Variants in ROBO1 observed in about 807,000 individuals in gnomAD.
ROBO1 encodes roundabout guidance receptor 1.
ROBO1 carries 149 observed loss-of-function variants against 195.9 expected under a neutral mutation model. The observed-to-expected ratio is 0.76, with a 90% confidence interval of 0.67 to 0.87. ROBO1 has a LOEUF of 0.87. Among genes scored for constraint, ROBO1 ranks in the 40% least tolerant of loss-of-function variants. ROBO1 has a pLI of 0.00. For missense variants in ROBO1, 1,933 were observed against 2,068.3 expected (o/e 0.93, Z 1.27); for synonymous variants, 816 against 733.2 (o/e 1.11, Z -1.82).
chr3:78,849,043 G>C (rs1378009113), intron 4 of ROBO1, among the ~76,000 whole-genome samples: 1 of 152,140 alleles, frequency 6.6e-6, no homozygotes, highest in Non-Finnish European at 1.5e-5. Flanking sequence ...AAAGGAAAGA[G>C]AAGAGTCAAG....
chr3:78,639,897 G>C lies in ROBO1; in HGVS notation c.2884C>G (p.Pro962Ala). 1 of 1,546,152 alleles carries C rather than the reference G, an allele frequency of 6.5e-7. No individual in the cohort carries two copies. Among genetic ancestry groups the C allele is most frequent in the Non-Finnish European group, 8.7e-7 (1 of 1,146,204 alleles). ...GGTTCACTGATGTTGAGAAGTCCAG[G>C]CCTAAATAAAAAAAAAATATTAAAG... Reference protein sequence around the residue: ...GGEAVSSGGRPGLLNISEPAA... With the variant: ...GGEAVSSGGRAGLLNISEPAA... The change falls in exon 22 of 31, where the codon CCT becomes GCT. Residue 962 changes from proline (P) to alanine (A), a missense_variant and splice_region_variant. Pro to Ala is a conservative substitution (Grantham distance 27). Around this residue, in one of 3 missense-constraint regions of ROBO1, gnomAD observed 1,737 missense variants for 1,882.5 expected, o/e 0.92. Coordinates refer to ENST00000464233, the MANE Select transcript of ROBO1 (RefSeq NM_002941.4).
intron 8 of ROBO1, among the ~76,000 whole-genome samples, chr3:78,707,418 G>A (rs1025329619): frequency 1.3e-5 from 2 of 152,150 alleles, no homozygotes; most frequent in South Asian, 2.1e-4. Flanking sequence ...TTAATACTTA[G>A]GGGAAGCATC....
intron 2 of ROBO1, among the ~76,000 whole-genome samples, chr3:79,336,763 C>G (rs1277807708): frequency 6.6e-6 from 1 of 152,162 alleles, no homozygotes; most frequent in African/African-American, 2.4e-5. Context: ...CACTATGCAC[C>G]TGTAAAAGCA....
intron 1 of ROBO1, among the ~76,000 whole-genome samples, chr3:79,638,403 T>C (rs1323644698): frequency 1.3e-5 from 2 of 152,152 alleles, no homozygotes; most frequent in African/African-American, 2.4e-5. Context: ...TTATTTTTTA[T>C]TTTTTGAGAC....
At chr3:78,650,722 G>C (rs2107615541) in intron 19 of ROBO1, among the ~76,000 whole-genome samples, 1 of 152,180 alleles carries the variant, frequency 6.6e-6, no homozygotes, top group South Asian at 2.1e-4. Flanking sequence ...AATTTGCTTT[G>C]CAGCAAAGCA....
intron 3 of ROBO1, among the ~76,000 whole-genome samples, chr3:79,023,533 A>G (rs923810160): frequency 7.2e-5 from 11 of 152,080 alleles, no homozygotes; most frequent in African/African-American, 2.4e-4. Context: ...TTTTAACAGT[A>G]TTACTTTTGT....
intron 2 of ROBO1, among the ~76,000 whole-genome samples, chr3:79,463,089 C>T (rs1239557256): frequency 6.6e-6 from 1 of 152,088 alleles, no homozygotes; most frequent in Non-Finnish European, 1.5e-5. Context: ...AGAACCTTTT[C>T]AAGGCCGGGC....
intron 2 of ROBO1, among the ~76,000 whole-genome samples, chr3:79,380,196 T>C (rs1350006362): frequency 2.0e-5 from 3 of 152,202 alleles, no homozygotes; most frequent in Non-Finnish European, 2.9e-5. Flanking sequence ...TCACTGAATA[T>C]GTTACTTTTA....
At chr3:79,559,690 G>A (rs376082938) in intron 2 of ROBO1, among the ~76,000 whole-genome samples, 31 of 152,048 alleles carry the variant, frequency 2.0e-4, no homozygotes, top group East Asian at 5.8e-4. Context: ...AGGTTGAGGC[G>A]GGCAGATTAC....
intron 2 of ROBO1, among the ~76,000 whole-genome samples, chr3:79,157,350 A>G (rs1280165623): frequency 4.6e-5 from 7 of 151,932 alleles, no homozygotes; most frequent in African/African-American, 1.7e-4. Context: ...GAGTGGTGGA[A>G]GCTGGCACAC....
chr3:78,797,421 G>A (rs1247444394), intron 4 of ROBO1, among the ~76,000 whole-genome samples: 6 of 152,078 alleles, frequency 3.9e-5, no homozygotes, highest in Admixed American at 1.3e-4. Context: ...AAATGGGAAG[G>A]CTCTACTGTC....
chr3:78,916,412 T>G (rs2038591734), intron 4 of ROBO1, among the ~76,000 whole-genome samples: 1 of 150,206 alleles, frequency 6.7e-6, no homozygotes, highest in Non-Finnish European at 1.5e-5. Flanking sequence ...ATTAGCCAGG[T>G]GTGGGGGCGG....
intron 14 of ROBO1, among the ~76,000 whole-genome samples, chr3:78,667,608 A>G (rs1050414093): frequency 1.3e-5 from 2 of 151,588 alleles, no homozygotes; most frequent in Non-Finnish European, 1.5e-5. Context: ...TCTACTTTCC[A>G]TCTCCTCACG....
intron 3 of ROBO1, among the ~76,000 whole-genome samples, chr3:78,979,534 C>A (rs2076948824): frequency 6.6e-6 from 1 of 152,182 alleles, no homozygotes; most frequent in Non-Finnish European, 1.5e-5. Flanking sequence ...TAAGTAAGAT[C>A]TCTCACATTT....
Position 78,606,721 on chromosome 3 carries a change from T to G in ROBO1, c.4744+12A>C. 1 of 1,610,872 alleles carries G rather than the reference T, an allele frequency of 6.2e-7. No homozygotes were observed. Among genetic ancestry groups the G allele is most frequent in the Non-Finnish European group, 8.5e-7 (1 of 1,177,678 alleles). On this transcript the variant is annotated intron_variant, in intron 29 of 30. Coordinates refer to ENST00000464233, the MANE Select transcript of ROBO1 (RefSeq NM_002941.4). ...CAATCTGTATTTATTTGCTGCTTGA[T>G]TGGATGAGTACCTTGGATGAGATGA...
chr3:79,145,480 G>T (rs2080629813), intron 2 of ROBO1, among the ~76,000 whole-genome samples: 1 of 151,342 alleles, frequency 6.6e-6, no homozygotes, highest in African/African-American at 2.4e-5. Flanking sequence ...AAAGAACATA[G>T]AATTACTTAC....
At chr3:79,682,227 T>G (rs1185950516) in intron 1 of ROBO1, among the ~76,000 whole-genome samples, 1 of 152,042 alleles carries the variant, frequency 6.6e-6, no homozygotes, top group African/African-American at 2.4e-5. Context: ...TCTTATACTC[T>G]AATAATTAGC....
At chr3:79,419,628 G>A (rs1559885683) in intron 2 of ROBO1, among the ~76,000 whole-genome samples, 1 of 152,004 alleles carries the variant, frequency 6.6e-6, no homozygotes, top group African/African-American at 2.4e-5. Flanking sequence ...GAGGGTTTGG[G>A]CCCTCTGATG....
At chr3:78,749,866 A>G (rs1459962968) in intron 4 of ROBO1, among the ~76,000 whole-genome samples, 2 of 152,158 alleles carry the variant, frequency 1.3e-5, no homozygotes, top group Non-Finnish European at 2.9e-5. Context: ...CTTGATTTGA[A>G]TCGTATGAAA....
Sources: gnomAD v4.1 joint callset for allele counts (sites outside exome capture counted in the v4.1 genomes callset) on GRCh38, gnomAD v4.1.1 for gene constraint, gnomAD v4.1.1 regional missense constraint, MANE v1.5 for transcripts, NCBI Gene and HGNC (gene_info 2026-07-23, HGNC 2026-07-21) for gene names.